Variants in PPM1B observed in about 807,000 individuals in gnomAD.
The protein encoded by PPM1B is protein phosphatase 1B.
In PPM1B, 22 loss-of-function variants were observed where a neutral mutation model predicts 43.0. That is an observed-to-expected ratio of 0.51 (90% confidence interval 0.37 to 0.73). PPM1B has a LOEUF of 0.73. PPM1B is among the 30% of genes least tolerant of loss of function. The pLI, the probability that PPM1B is intolerant of heterozygous loss-of-function variation, is 0.00. For missense variants in PPM1B, 632 were observed against 584.2 expected, an observed-to-expected ratio of 1.08 and a Z score of -0.84; for synonymous variants, 217 against 197.9, an observed-to-expected ratio of 1.10 and a Z score of -0.81.
At chr2:44,218,237 C>T (rs768399051) in intron 4 of PPM1B, among the ~76,000 whole-genome samples, 159 bp downstream of exon 4, 4 of 152,092 alleles carry the variant, frequency 2.6e-5, no homozygotes, top group Non-Finnish European at 4.4e-5. Flanking sequence ...CAACCAAAAA[C>T]GATTTTTTAA....
chr2:44,221,187 CTTA>C, intron 5 of PPM1B, among the ~76,000 whole-genome samples: 1 of 152,312 alleles, frequency 6.6e-6, no homozygotes, highest in East Asian at 1.9e-4. Context: ...TAACTGTAGA[CTTA>C]TTATCATTAC....
intron 1 of PPM1B, among the ~76,000 whole-genome samples, chr2:44,195,775 G>T (rs957646350): frequency 3.3e-5 from 5 of 152,208 alleles, no homozygotes; most frequent in Non-Finnish European, 5.9e-5. Flanking sequence ...AAGACTTAGT[G>T]ACTTTCTTGT....
intron 1 of PPM1B, among the ~76,000 whole-genome samples, chr2:44,190,405 C>T (rs1033181104): frequency 3.3e-5 from 5 of 151,996 alleles, no homozygotes; most frequent in African/African-American, 4.8e-5. Context: ...GTGATCTGCC[C>T]GTCTCAGCCT....
At chr2:44,212,978 A>G (rs10865199) in intron 3 of PPM1B, among the ~76,000 whole-genome samples, 27,788 of 147,432 alleles carry the variant, frequency 0.19, 2,732 homozygotes, top group South Asian at 0.24. Flanking sequence ...CTGCCACTGC[A>G]CTCCAGGCTG....
At position 44,201,254 on chromosome 2, in the gene PPM1B, G is replaced by A; in HGVS notation, c.55G>A (p.Gly19Arg). The change falls in exon 2 of 6, where the codon GGG (glycine) becomes AGG (arginine). Residue 19 changes from glycine (G) to arginine (R), a missense_variant. Gly to Arg is a moderately radical substitution (Grantham distance 125). Coordinates refer to ENST00000282412, the MANE Select transcript of PPM1B (RefSeq NM_002706.6). The surrounding 1 kb of genome is among the most constrained non-coding windows in gnomAD (Gnocchi z 5.4). ...KTEKHNAHGAGNGLRYGLSSM... is the reference protein window; with the variant it reads ...KTEKHNAHGARNGLRYGLSSM... ...TGAAAAACATAATGCTCATGGTGCTGGGAATGGTTTACGTTATGGCCTGAG... is the reference window on the plus strand; with the variant it reads ...TGAAAAACATAATGCTCATGGTGCTAGGAATGGTTTACGTTATGGCCTGAG... 6.2e-7 allele frequency: 1 copy of A among 1,613,342 alleles called. No individual in the cohort carries two copies. Among genetic ancestry groups the A allele is most frequent in the Non-Finnish European group, 8.5e-7 (1 of 1,179,502 alleles).
Position 44,187,836 on chromosome 2 carries a change from G to A in PPM1B, c.-14-13350G>A, listed in dbSNP as rs184627714. ...GCGATCTTGGCTGACTGCAAGCTCCGCCTCCCGGGTTCACGCCATTCTCCT... is the reference window on the plus strand; with the variant it reads ...GCGATCTTGGCTGACTGCAAGCTCCACCTCCCGGGTTCACGCCATTCTCCT... On this transcript the variant is annotated intron_variant, in intron 1 of 5. Coordinates refer to ENST00000282412, the MANE Select transcript of PPM1B (RefSeq NM_002706.6). Among the ~76,000 whole-genome samples, 640 of 152,026 alleles carry A rather than the reference G, an allele frequency of 4.2e-3. 4 individuals carry two copies. The highest frequency in any genetic ancestry group is 0.013 in the African/African-American group (555 of 41,456).
chr2:44,178,452 G>GTGTGTGTGTA (rs1275077005), intron 1 of PPM1B, among the ~76,000 whole-genome samples: 42 of 135,682 alleles, frequency 3.1e-4, no homozygotes, highest in African/African-American at 1.2e-3. Context: ...TTTTATATAT[G>GTGTGTGTGTA]TATATATATA....
chr2:44,205,543 A>G lies in PPM1B; in HGVS notation c.846+3498A>G, dbSNP rs879819413. Among the ~76,000 whole-genome samples, 37 of 152,228 alleles carry G rather than the reference A, an allele frequency of 2.4e-4. No homozygotes were observed. In the Middle Eastern group the frequency reaches 0.01, roughly 42 times the overall value. ...CATCTCACTTAGGGAACCACTGCTC[A>G]TGGTTTGCTGTATATCTTTCCAAAT... is the stretch of plus-strand genomic sequence containing the variant. On this transcript the variant is annotated intron_variant, in intron 2 of 5. Coordinates refer to ENST00000282412, the MANE Select transcript of PPM1B (RefSeq NM_002706.6).
At chr2:44,193,923 A>G (rs2104088349) in intron 1 of PPM1B, among the ~76,000 whole-genome samples, 1 of 152,254 alleles carries the variant, frequency 6.6e-6, no homozygotes, top group East Asian at 1.9e-4. Context: ...TTTGTTGTCC[A>G]GGCTGGTCTC....
chr2:44,226,243 G>A (rs1670203555), intron 5 of PPM1B, among the ~76,000 whole-genome samples: 1 of 152,104 alleles, frequency 6.6e-6, no homozygotes, highest in Non-Finnish European at 1.5e-5. Flanking sequence ...CCAAAGTGCT[G>A]GGATTACAGA....
At chr2:44,194,088 T>A (rs1455185250) in intron 1 of PPM1B, among the ~76,000 whole-genome samples, 2 of 152,214 alleles carry the variant, frequency 1.3e-5, no homozygotes, top group East Asian at 3.9e-4. Context: ...AATACTTTTT[T>A]ATTTCTCTTA....
chr2:44,198,624 A>G (rs1001963268), intron 1 of PPM1B, among the ~76,000 whole-genome samples: 3 of 152,218 alleles, frequency 2.0e-5, no homozygotes, highest in Non-Finnish European at 2.9e-5. Flanking sequence ...TGGTCCCTCA[A>G]ATAAGATAAA....
At chr2:44,206,237 T>A (rs1291130483) in intron 2 of PPM1B, among the ~76,000 whole-genome samples, 1 of 152,144 alleles carries the variant, frequency 6.6e-6, no homozygotes, top group Non-Finnish European at 1.5e-5. Flanking sequence ...GAAAAAAAAA[T>A]GTTTTATTTA....
intron 1 of PPM1B, among the ~76,000 whole-genome samples, chr2:44,176,964 G>T (rs779268943): frequency 6.6e-6 from 1 of 152,140 alleles, no homozygotes; most frequent in Non-Finnish European, 1.5e-5. Flanking sequence ...ATTTTTCGTA[G>T]AGACGGGGTT....
At chr2:44,178,747 G>A (rs1028450422) in intron 1 of PPM1B, among the ~76,000 whole-genome samples, 1 of 152,058 alleles carries the variant, frequency 6.6e-6, no homozygotes, top group Admixed American at 6.5e-5. Flanking sequence ...TGGGATTACA[G>A]GCATGAGCCA....
chr2:44,229,408 A>G lies in PPM1B; in HGVS notation c.1135-1005A>G, dbSNP rs139014203. 5.3e-5 allele frequency among the ~76,000 whole-genome samples: 8 copies of G among 152,318 alleles called. No individual in the cohort carries two copies. The East Asian group carries it at 5.8e-4, about 11-fold the overall frequency. ...AATCCCAGTCTAATCAAGTTTATCA[A>G]TCAAGCACATTAAACAAGTCTTTAA... is the stretch of plus-strand genomic sequence containing the variant. On this transcript the variant is annotated intron_variant, in intron 5 of 5. Coordinates refer to ENST00000282412, the MANE Select transcript of PPM1B (RefSeq NM_002706.6).
At chr2:44,245,291 T>C (rs1415883716), downstream of PPM1B, among the ~76,000 whole-genome samples, 1 of 150,950 alleles carries the variant, frequency 6.6e-6, no homozygotes, top group Admixed American at 6.6e-5. Context: ...ACTATATAGT[T>C]ATAAAATCTC....
At chr2:44,246,766 T>C (rs895480505), downstream of PPM1B, among the ~76,000 whole-genome samples, 1 of 152,252 alleles carries the variant, frequency 6.6e-6, no homozygotes, top group African/African-American at 2.4e-5. Flanking sequence ...TGGTATTGCT[T>C]GCATCATTTA....
chr2:44,244,790 A>G (rs999149318), downstream of PPM1B, among the ~76,000 whole-genome samples: 2 of 143,174 alleles, frequency 1.4e-5, no homozygotes, highest in African/African-American at 5.2e-5. Context: ...GACTTCCAGT[A>G]TCTATATTTA....
Sources: allele counts gnomAD v4.1 joint callset (sites outside exome capture counted in the v4.1 genomes callset), GRCh38; gene constraint gnomAD v4.1.1; non-coding constraint Gnocchi (gnomAD v3.1); transcripts MANE v1.5; gene names NCBI Gene and HGNC (gene_info 2026-07-23, HGNC 2026-07-21).